SPG7: variants seen among roughly 807,000 people sequenced by gnomAD.
The protein encoded by SPG7 is mitochondrial inner membrane m-AAA protease component paraplegin.
SPG7 carries 103 observed loss-of-function variants against 81.9 expected under a neutral mutation model. The ratio of observed to expected loss-of-function variants is 1.26; its 90% CI spans 1.07 to 1.48. The LOEUF is 1.48. Among genes scored for constraint, SPG7 ranks in the 40% most tolerant of loss-of-function variants. The probability of loss-of-function intolerance (pLI) is 0.00; values close to 1 mark genes in which losing one functional copy is unlikely to be tolerated. For missense variants in SPG7, 1,241 were observed against 1,087.3 expected, an observed-to-expected ratio of 1.14 and a Z score of -1.99; for synonymous variants, 534 against 444.2, an observed-to-expected ratio of 1.20 and a Z score of -2.54.
intron 9 of SPG7, chr16:89,537,557 G>A: frequency 2.0e-6 from 2 of 991,632 alleles, no homozygotes; most frequent in Non-Finnish European, 2.4e-6. Context: ...TCAGAGACAG[G>A]GTGTCGTTCT....
At chr16:89,530,969 T>G (rs1232243297) in intron 7 of SPG7, 161 bp downstream of exon 7, 2 of 908,610 alleles carry the variant, frequency 2.2e-6, no homozygotes, top group Admixed American at 2.0e-5. Context: ...TGCTGGTGCC[T>G]GTTCAACCAG....
intron 9 of SPG7, among the ~76,000 whole-genome samples, chr16:89,536,501 G>GAGGTGAGGCGGGTGAGGTC (rs1445919939): frequency 2.1e-5 from 1 of 47,494 alleles, no homozygotes; most frequent in Non-Finnish European, 4.5e-5. Context: ...TGAGGCAGGT[G>GAGGTGAGGCGGGTGAGGTC]AGGTGAGGCG....
At chr16:89,534,710 C>T (rs1250503176) in intron 9 of SPG7, among the ~76,000 whole-genome samples, 1 of 152,212 alleles carries the variant, frequency 6.6e-6, no homozygotes, top group African/African-American at 2.4e-5. Context: ...CTTACAGAAG[C>T]GTTGCCACGG....
chr16:89,529,445 G>T (rs746034728), intron 5 of SPG7, 32 bp from the exon 6 acceptor site: 2 of 1,463,894 alleles, frequency 1.4e-6, no homozygotes, highest in Non-Finnish European at 1.9e-6. Context: ...GACACCGTCT[G>T]AGCCTGTGCC....
chr16:89,554,323 C>A (rs1407075570), intron 15 of SPG7, 163 bp from the exon 16 acceptor site: 19 of 680,720 alleles, frequency 2.8e-5, no homozygotes. Flanking sequence ...GCCCTGCTTT[C>A]CTGGCACTGG....
At chr16:89,510,378 A>T in intron 1 of SPG7, 112 bp from the exon 2 acceptor site, 1 of 691,202 alleles carries the variant, frequency 1.4e-6, no homozygotes, top group East Asian at 2.7e-5. Context: ...GGCAATGTAG[A>T]TATTACAAAT....
chr16:89,554,681 AC>A, intron 16 of SPG7, 118 bp downstream of exon 16: 1 of 724,810 alleles, frequency 1.4e-6, no homozygotes, highest in Non-Finnish European at 2.4e-6. Flanking sequence ...GAACACTCTG[AC>A]CGATGTGAAT....
chr16:89,521,859 TC>T (rs1483663630), intron 3 of SPG7: 1 of 152,210 alleles, frequency 6.6e-6, no homozygotes, highest in Non-Finnish European at 1.5e-5. Flanking sequence ...TGATTCTGGA[TC>T]GTCCCTCCAG....
chr16:89,530,861 C>A (rs2058332477), intron 7 of SPG7, 53 bp downstream of exon 7: 1 of 1,611,880 alleles, frequency 6.2e-7, no homozygotes, highest in Non-Finnish European at 8.5e-7. Context: ...GGCCGTCCTC[C>A]TCTCCCAGAA....
chr16:89,556,564 G>GTTCA lies in SPG7; in HGVS notation c.2182-322_2182-319dup, dbSNP rs1349905929. ...AGTGCTGCTCTCCTCAATCAGGAGG[G>GTTCA]TTCAGCATTTTACCCATCTCCTTCC... is the stretch of plus-strand genomic sequence containing the variant. On this transcript the variant is annotated intron_variant, in intron 16 of 16. Transcript: ENST00000645818. The GTTCA allele has an allele frequency of 2.7e-5, 11 of 408,388 alleles. No homozygotes were observed. In the East Asian group the frequency reaches 5.6e-4, roughly 21 times the overall value. The allele number at this position is 408,388 out of a possible 1,614,324, so 25.3% of individuals were successfully genotyped here.
In SPG7 at chr16:89,534,855, C is replaced by T. The variant is rs142230282; in HGVS notation, c.1324+2219C>T. On this transcript the variant is annotated intron_variant, in intron 9 of 16. Transcript: ENST00000645818. ...CCCATCCACAGGTGCTTCCGCCCCC[C>T]CGATGTGGATGTTTGGTCTCCTTGG... 4.6e-5 allele frequency among the ~76,000 whole-genome samples: 7 copies of T among 152,346 alleles called. No individual in the cohort carries two copies. In the East Asian group the frequency reaches 1.4e-3, roughly 29 times the overall value.
At chr16:89,515,684 T>C (rs2058085684) in intron 3 of SPG7, among the ~76,000 whole-genome samples, 1 of 150,300 alleles carries the variant, frequency 6.7e-6, no homozygotes, top group South Asian at 2.1e-4. Flanking sequence ...AGACCCTCAT[T>C]TCTATTATTA....
At chr16:89,556,797 A>G in intron 16 of SPG7, 90 bp from the exon 17 acceptor site, 3 of 1,009,168 alleles carry the variant, frequency 3.0e-6, no homozygotes, top group African/African-American at 1.6e-5. Flanking sequence ...GCACACAGAC[A>G]GGCCCTCACG....
At chr16:89,516,465 C>T (rs559421631) in intron 3 of SPG7, among the ~76,000 whole-genome samples, 32 of 151,972 alleles carry the variant, frequency 2.1e-4, no homozygotes, top group Admixed American at 5.9e-4. Flanking sequence ...GCGTGAGCAT[C>T]GTTTGAACCT....
In SPG7 at chr16:89,556,391, T is replaced by G. The variant is rs6500432; in HGVS notation, c.2182-496T>G. ...GGCTGTGGCAGTGTTTTCTGTGGTC[T>G]GGCCAGGCCACCCCAGGGGCAGGTC... On this transcript the variant is annotated intron_variant, in intron 16 of 16. Transcript: ENST00000645818. 6.3e-3 allele frequency: 1,733 copies of G among 276,248 alleles called. 31 individuals carry two copies. The highest frequency in any genetic ancestry group is 0.036 in the African/African-American group (1,631 of 45,468). The allele number at this position is 276,248 out of a possible 1,614,324, so 17.1% of individuals were successfully genotyped here.
At position 89,532,455 on chromosome 16, in the gene SPG7, C is replaced by T. The variant is rs200402056; in HGVS notation, c.1151-8C>T. On this transcript the variant is annotated splice_polypyrimidine_tract_variant and splice_region_variant and intron_variant, in intron 8 of 16. Transcript: ENST00000645818. ...GCCCATTTCCTGATTCTCTCTGTGT[C>T]CCCTCAGGCCTCGGCGCTGCCCGTG... 601 of 1,613,252 alleles carry T rather than the reference C, an allele frequency of 3.7e-4. 5 individuals carry two copies. The South Asian group carries it at 6.0e-3, about 16-fold the overall frequency.
At chr16:89,549,364 A>G (rs1161730796) in intron 12 of SPG7, 1 of 386,068 alleles carries the variant, frequency 2.6e-6, no homozygotes, top group Non-Finnish European at 5.2e-6. Flanking sequence ...GATTTAATGC[A>G]AACATTTGTC....
chr16:89,545,391 G>T, intron 10 of SPG7: 1 of 201,204 alleles, frequency 5.0e-6, no homozygotes, highest in Non-Finnish European at 1.0e-5. Context: ...GTCTGCTGGT[G>T]GGTTAATGTT....
At chr16:89,543,986 T>A (rs2058532695) in intron 9 of SPG7, 1 of 159,704 alleles carries the variant, frequency 6.3e-6, no homozygotes, top group Admixed American at 5.8e-5. Flanking sequence ...TTTTGAATCT[T>A]ATATGCTCTG....
Sources: allele counts gnomAD v4.1 joint callset (sites outside exome capture counted in the v4.1 genomes callset), GRCh38; gene constraint gnomAD v4.1.1; transcripts MANE v1.5; gene names NCBI Gene and HGNC (gene_info 2026-07-23, HGNC 2026-07-21).